Variants in PRMT9 observed in about 807,000 individuals in gnomAD.
PRMT9 encodes protein arginine methyltransferase 9, also known as protein arginine N-methyltransferase 9.
Under a neutral mutation model 83.2 loss-of-function variants are expected in PRMT9, and 59 were observed. That is an observed-to-expected ratio of 0.71 (90% CI 0.57 to 0.88). PRMT9 has a LOEUF of 0.88. PRMT9 is among the 40% of genes least tolerant of loss of function. PRMT9 has a pLI of 0.00. For missense variants in PRMT9, 947 were observed against 1,021.9 expected (o/e 0.93, Z 1.00); for synonymous variants, 333 against 353.2 (o/e 0.94, Z 0.64).
chr4:147,669,986 G>A (rs138681663), intron 5 of PRMT9, among the ~76,000 whole-genome samples: 65 of 152,286 alleles, frequency 4.3e-4, no homozygotes, highest in African/African-American at 1.2e-3. Flanking sequence ...ATTCTAGGCA[G>A]TGAGGTCTGT....
chr4:147,645,816 T>A (rs1344132006), intron 9 of PRMT9, among the ~76,000 whole-genome samples: 6 of 152,188 alleles, frequency 3.9e-5, no homozygotes, highest in Admixed American at 2.6e-4. Flanking sequence ...AAGTTAGAGA[T>A]GACTCCTAAG....
intron 6 of PRMT9, 30 bp from the exon 7 acceptor site, chr4:147,661,068 G>A: frequency 1.4e-6 from 2 of 1,460,628 alleles, no homozygotes; most frequent in South Asian, 1.1e-5. Context: ...GGGAGGGGTA[G>A]GAAGATGGAT....
At chr4:147,650,366 T>C (rs1479938146) in intron 9 of PRMT9, among the ~76,000 whole-genome samples, 4 of 152,202 alleles carry the variant, frequency 2.6e-5, no homozygotes, top group Non-Finnish European at 5.9e-5. Context: ...ATCAGCTGCA[T>C]TTGCATGTAC....
chr4:147,643,266 C>CA lies in PRMT9; in HGVS notation c.2046-327dup, dbSNP rs1400855784. Among the ~76,000 whole-genome samples the CA allele has an allele frequency of 2.0e-5, 3 of 151,438 alleles. No individual in the cohort carries two copies. In the South Asian group the frequency reaches 6.2e-4, roughly 32 times the overall value. ...TGGGTGACAGAGTGAGACTCTGTCTCAAAAAATCATAAAATAAAACAAAAA... is the reference window on the plus strand; with the variant it reads ...TGGGTGACAGAGTGAGACTCTGTCTCAAAAAAATCATAAAATAAAACAAAAA... On this transcript the variant is annotated intron_variant, in intron 9 of 11. Coordinates refer to ENST00000322396, the MANE Select transcript of PRMT9 (RefSeq NM_138364.4).
chr4:147,657,716 A>AT lies in PRMT9; in HGVS notation c.1330+75dup, dbSNP rs997125410. On this transcript the variant is annotated intron_variant, in intron 8 of 11. Transcript: ENST00000322396. ...GACTGAAACCTTCATATCCAAAGTA[A>AT]TTTTTTTTTTGCCACTGACTTGAAT... 2,913 of 1,033,612 alleles carry AT rather than the reference A, an allele frequency of 2.8e-3. 1 individual carries two copies. Among genetic ancestry groups the AT allele is most frequent in the Non-Finnish European group, 3.4e-3 (2,356 of 695,136 alleles). 64.0% of individuals were successfully genotyped at this position (1,033,612 alleles called of 1,614,324 possible).
chr4:147,660,116 A>G (rs1014494234), intron 7 of PRMT9, among the ~76,000 whole-genome samples: 1 of 152,232 alleles, frequency 6.6e-6, no homozygotes, highest in Non-Finnish European at 1.5e-5. Context: ...TGATATAGAG[A>G]TAAGTCAGAA....
rs555304733 is a variant in PRMT9, at chr4:147,671,429, G to A, written c.744-686C>T. The stretch of plus-strand genomic sequence containing the variant: ...TAGAAAACTTTACTCAAAGACATAC[G>A]AAAATAGTTTCTCCCTTCTCTGAAC... On this transcript the variant is annotated intron_variant, in intron 4 of 11. Transcript: ENST00000322396. Among the ~76,000 whole-genome samples the A allele has an allele frequency of 5.1e-4, 78 of 152,246 alleles. No homozygotes were observed. In the South Asian group the frequency reaches 6.2e-3, roughly 12 times the overall value.
chr4:147,639,085 A>G lies in PRMT9; in HGVS notation c.2200-3T>C. The stretch of plus-strand genomic sequence containing the variant: ...TCCAAAAATACACGTATAGGTACCT[A>G]GAGAAAGTATAAATTTTTCACTTTC... On this transcript the variant is annotated splice_region_variant and splice_polypyrimidine_tract_variant and intron_variant, in intron 10 of 11. Coordinates refer to ENST00000322396, the MANE Select transcript of PRMT9 (RefSeq NM_138364.4). The G allele has an allele frequency of 6.2e-7, 1 of 1,613,338 alleles. No individual in the cohort carries two copies. Among genetic ancestry groups the G allele is most frequent in the Middle Eastern group, 1.7e-4 (1 of 6,054 alleles).
intron 9 of PRMT9, among the ~76,000 whole-genome samples, chr4:147,645,375 T>C (rs1408362651): frequency 2.0e-5 from 3 of 152,168 alleles, no homozygotes; most frequent in Admixed American, 6.5e-5. Flanking sequence ...AATGTAAGAC[T>C]CTTGATTAGA....
At chr4:147,658,448 G>A (rs1297297820) in intron 7 of PRMT9, among the ~76,000 whole-genome samples, 1 of 152,082 alleles carries the variant, frequency 6.6e-6, no homozygotes, top group Non-Finnish European at 1.5e-5. Context: ...CCTGGGGAAA[G>A]GGTTGAGATT....
chr4:147,678,262 G>C (rs1373174694), intron 2 of PRMT9, among the ~76,000 whole-genome samples: 1 of 152,144 alleles, frequency 6.6e-6, no homozygotes, highest in Non-Finnish European at 1.5e-5. Flanking sequence ...TGATTTGAGG[G>C]AAAGAGAAAG....
intron 8 of PRMT9, among the ~76,000 whole-genome samples, chr4:147,656,804 G>GAAA (rs1175665609): frequency 7.7e-6 from 1 of 129,728 alleles, no homozygotes; most frequent in Non-Finnish European, 1.7e-5. Flanking sequence ...AAGAAAGAAA[G>GAAA]AAAAAAAGAA....
chr4:147,653,913 C>A lies in PRMT9; in HGVS notation c.1984G>T (p.Asp662Tyr), dbSNP rs1734292178. The A allele has an allele frequency of 6.2e-7, 1 of 1,614,150 alleles. No individual in the cohort carries two copies. The highest frequency in any genetic ancestry group is 1.3e-5 in the African/African-American group (1 of 75,062). Residue 662 changes from aspartate to tyrosine, a missense_variant, in exon 9 of 12, where the codon GAT becomes TAT. Physicochemically the swap from Asp to Tyr is radical, Grantham distance 160. Transcript: ENST00000322396. ...SDKLWSIIIL[D>Y]VIEPSGLIQQ... Reference sequence around the variant, plus strand: ...ATGAGCCCAGATGGCTCAATGACATCCAATATAATTATGCTCCATAACTTG... The same window carrying A: ...ATGAGCCCAGATGGCTCAATGACATACAATATAATTATGCTCCATAACTTG...
At chr4:147,664,499 T>C (rs1735186274) in intron 6 of PRMT9, among the ~76,000 whole-genome samples, 1 of 152,186 alleles carries the variant, frequency 6.6e-6, no homozygotes, top group African/African-American at 2.4e-5. Context: ...TTCTCACAAT[T>C]AGATTGCAGG....
intron 9 of PRMT9, among the ~76,000 whole-genome samples, chr4:147,653,453 A>AAAT (rs1553991782): frequency 1.3e-5 from 2 of 148,650 alleles, no homozygotes; most frequent in African/African-American, 2.5e-5. Flanking sequence ...AAAAAAAAAA[A>AAAT]ATATATATAT....
At chr4:147,641,377 C>A (rs769508715) in intron 10 of PRMT9, among the ~76,000 whole-genome samples, 4 of 152,178 alleles carry the variant, frequency 2.6e-5, no homozygotes, top group Non-Finnish European at 4.4e-5. Flanking sequence ...GATCTTGCCT[C>A]TAGCTATTTA....
intron 10 of PRMT9, among the ~76,000 whole-genome samples, chr4:147,641,532 G>A (rs893223115): frequency 6.6e-6 from 1 of 152,046 alleles, no homozygotes; most frequent in Non-Finnish European, 1.5e-5. Context: ...CCTGCTTTAT[G>A]TCCACAGCAC....
chr4:147,653,553 G>T (rs534895528), intron 9 of PRMT9, among the ~76,000 whole-genome samples: 504 of 152,128 alleles, frequency 3.3e-3, no homozygotes, highest in Middle Eastern at 6.8e-3. Context: ...TAAGGCTGGG[G>T]TTGAGAAAAA....
At chr4:147,682,413 T>TG (rs1736544494) in intron 1 of PRMT9, among the ~76,000 whole-genome samples, 2 of 152,098 alleles carry the variant, frequency 1.3e-5, no homozygotes, top group African/African-American at 4.8e-5. Flanking sequence ...TGACCTCAGG[T>TG]GATCCACCCG....
Sources: gnomAD v4.1 joint callset for allele counts (sites outside exome capture counted in the v4.1 genomes callset) on GRCh38, gnomAD v4.1.1 for gene constraint, MANE v1.5 for transcripts, NCBI Gene and HGNC (gene_info 2026-07-23, HGNC 2026-07-21) for gene names.